ANO7: variants seen among roughly 807,000 people sequenced by gnomAD.
ANO7 encodes the protein anoctamin 7, also known as anoctamin-7.
ANO7 carries 114 observed loss-of-function variants against 115.8 expected under a neutral mutation model. The observed-to-expected ratio is 0.98, with a 90% CI of 0.85 to 1.15. ANO7 has a LOEUF of 1.15. Among genes scored for constraint, ANO7 ranks in the 50% most tolerant of loss-of-function variants. The pLI, the probability that ANO7 is intolerant of heterozygous loss-of-function variation, is 0.00. For synonymous variants in ANO7, 550 were observed against 498.2 expected, an observed-to-expected ratio of 1.10 and a Z score of -1.38; for missense variants, 1,302 against 1,201.2, an observed-to-expected ratio of 1.08 and a Z score of -1.24.
chr2:241,199,731 G>C (rs1457091080), intron 5 of ANO7, among the ~76,000 whole-genome samples: 1 of 152,222 alleles, frequency 6.6e-6, no homozygotes, highest in Non-Finnish European at 1.5e-5. Context: ...ATGGGGTGGA[G>C]AAGGCTGCCT....
chr2:241,211,369 C>G (rs746023253), intron 15 of ANO7, among the ~76,000 whole-genome samples: 8 of 152,300 alleles, frequency 5.3e-5, no homozygotes, highest in Admixed American at 3.9e-4. Flanking sequence ...CAAACACTTA[C>G]GACCAACCTA....
At position 241,201,311 on chromosome 2, in the gene ANO7, G is replaced by A. The variant is rs1337044291; in HGVS notation, c.568G>A (p.Asp190Asn). The A allele has an allele frequency of 1.9e-6, 3 of 1,613,154 alleles. No individual in the cohort carries two copies. The highest frequency in any genetic ancestry group is 2.5e-6 in the Non-Finnish European group (3 of 1,179,784). Residue 190 changes from aspartate to asparagine, a missense_variant, in exon 7 of 25, where the codon GAC (aspartate) becomes AAC (asparagine). Coordinates refer to ENST00000674324, the MANE Select transcript of ANO7 (RefSeq NM_001370694.2). Reference protein sequence around the residue: ...VNKLPRFLGSDNQDTFFTSTK... With the variant: ...VNKLPRFLGSNNQDTFFTSTK... ...ACATGCCCACAGCTTCCTCGGGAGT[G>A]ACAACCAGGACACCTTCTTCACAAG...
chr2:241,231,887 A>G, the ANO7 span, among the ~76,000 whole-genome samples: 1 of 98,778 alleles, frequency 1.0e-5, no homozygotes, highest in African/African-American at 3.3e-5. Context: ...GGACTAGAGG[A>G]CGGGGACAAA....
At chr2:241,230,685 T>TG (rs956794658), downstream of ANO7, 3 of 1,310,818 alleles carry the variant, frequency 2.3e-6, no homozygotes, top group African/African-American at 4.3e-5. This position sits in a 1 kb window ranked among gnomAD's most constrained non-coding sequence, Gnocchi z 5.0. Flanking sequence ...GGCCATGCCC[T>TG]GCTCTTTCTT....
At chr2:241,237,152 G>A in the ANO7 span, among the ~76,000 whole-genome samples, 2 of 152,198 alleles carry the variant, frequency 1.3e-5, no homozygotes, top group Non-Finnish European at 2.9e-5. Context: ...CACAAGTGAG[G>A]CTTGACTGTG....
In ANO7 at chr2:241,203,504, T is replaced by C; in HGVS notation, c.889+6T>C. The C allele has an allele frequency of 1.4e-6, 2 of 1,463,684 alleles. No individual in the cohort carries two copies. Among genetic ancestry groups the C allele is most frequent in the Non-Finnish European group, 9.1e-7 (1 of 1,103,924 alleles). The allele number at this position is 1,463,684 out of a possible 1,614,324, so 90.7% of individuals were successfully genotyped here. A position where few individuals can be genotyped will look rare whatever the true frequency, so the allele number is the denominator to read the frequency against. On this transcript the variant is annotated splice_donor_region_variant and intron_variant, in intron 9 of 24. Coordinates refer to ENST00000674324, the MANE Select transcript of ANO7 (RefSeq NM_001370694.2). This position sits in a 1 kb window ranked among gnomAD's most constrained non-coding sequence, Gnocchi z 4.8. ...CCTCTACTTCGCCTGGCTCGGTGAG[T>C]CCCCCCCGCTGCCCCCCAGACCACC...
At chr2:241,238,932 C>CCAGG in the ANO7 span, 5 of 614,228 alleles carry the variant, frequency 8.1e-6, no homozygotes, top group Non-Finnish European at 1.3e-5. This position sits in a 1 kb window ranked among gnomAD's most constrained non-coding sequence, Gnocchi z 4.9. Flanking sequence ...GTCCAGGGCT[C>CCAGG]CAGGCGCAGG....
At chr2:241,202,353 C>T (rs2068492550) in intron 8 of ANO7, 49 bp downstream of exon 8, 4 of 1,563,428 alleles carry the variant, frequency 2.6e-6, no homozygotes, top group African/African-American at 1.3e-5. Flanking sequence ...AGATGAGTCC[C>T]CTTGGGTCCT....
intron 11 of ANO7, 78 bp downstream of exon 11, chr2:241,207,748 C>A: frequency 2.2e-6 from 3 of 1,344,354 alleles, no homozygotes; most frequent in Non-Finnish European, 3.2e-6. Context: ...CTGGTCCTGA[C>A]TCTGCCTGCA....
chr2:241,216,761 C>T (rs1303381449), intron 19 of ANO7, among the ~76,000 whole-genome samples: 2 of 152,254 alleles, frequency 1.3e-5, no homozygotes, highest in Non-Finnish European at 2.9e-5. Flanking sequence ...ATCACCTGTG[C>T]CGTCCCTGCA....
Position 241,201,171 on chromosome 2 carries a change from G to A in ANO7, c.555-127G>A, listed in dbSNP as rs1006488027. The A allele has an allele frequency of 7.4e-6, 8 of 1,087,062 alleles. No individual in the cohort carries two copies. The African/African-American group carries it at 1.1e-4, about 15-fold the overall frequency. 67.3% of individuals were successfully genotyped at this position (1,087,062 alleles called of 1,614,324 possible). On this transcript the variant is annotated intron_variant, in intron 6 of 24. Transcript: ENST00000674324. ...TGTCCGCAGGCCTGTGCTTCTGCGT[G>A]CGCGCCAGCACCCGGGCCCCAAACC...
the ANO7 span, chr2:241,235,338 G>T: frequency 6.3e-7 from 1 of 1,577,248 alleles, no homozygotes; most frequent in South Asian, 1.1e-5. Context: ...CAGAAGTGGT[G>T]AGAGGGAAGG....
chr2:241,194,010 G>A (rs1369173605), intron 3 of ANO7, among the ~76,000 whole-genome samples: 1 of 152,162 alleles, frequency 6.6e-6, no homozygotes, highest in African/African-American at 2.4e-5. Flanking sequence ...CAAGTAGCTG[G>A]GATTACAGGC....
At position 241,223,722 on chromosome 2, in the gene ANO7, G is replaced by A. The variant is rs776095339; in HGVS notation, c.2473G>A (p.Val825Met). ...DLLVPDIPES[V>M]EIKVKREYYL... ...CCTGGTGCCTGACATCCCAGAGTCT[G>A]TGGAGATCAAAGTGAAGCGGGAGTA... Residue 825 changes from valine to methionine, a missense_variant, in exon 23 of 25, where the codon GTG becomes ATG. Physicochemically the swap from Val to Met is conservative, Grantham distance 21. Transcript: ENST00000674324. The A allele has an allele frequency of 6.2e-7, 1 of 1,614,214 alleles. No homozygotes were observed. The highest frequency in any genetic ancestry group is 8.5e-7 in the Non-Finnish European group (1 of 1,180,042).
the ANO7 span, chr2:241,236,268 C>A: frequency 3.1e-6 from 1 of 317,804 alleles, no homozygotes; most frequent in Non-Finnish European, 5.9e-6. Flanking sequence ...GCCTGATAAC[C>A]CCACTCACGC....
the ANO7 span, among the ~76,000 whole-genome samples, chr2:241,232,061 G>C: frequency 6.6e-6 from 1 of 152,158 alleles, no homozygotes; most frequent in African/African-American, 2.4e-5. Flanking sequence ...CTTCTGTCCA[G>C]ATTGAAGCAA....
At chr2:241,239,915 A>G in the ANO7 span, 655 of 1,614,120 alleles carry the variant, frequency 4.1e-4, 1 homozygote, top group African/African-American at 8.0e-3. This position sits in a 1 kb window ranked among gnomAD's most constrained non-coding sequence, Gnocchi z 4.6. Flanking sequence ...TTTTGGATCA[A>G]GGCCTCCAGC....
At chr2:241,201,785 G>T (rs575373544) in intron 7 of ANO7, among the ~76,000 whole-genome samples, 51 of 152,310 alleles carry the variant, frequency 3.3e-4, no homozygotes, top group African/African-American at 1.1e-3. Context: ...GACCACCACA[G>T]GGCACACAGT....
At chr2:241,190,243 G>T (rs529634514) in intron 2 of ANO7, 72 bp downstream of exon 2, 1 of 1,346,640 alleles carries the variant, frequency 7.4e-7, no homozygotes, top group Admixed American at 2.4e-5. Flanking sequence ...CCCCACCCTG[G>T]GCCCAGAGCC....
Sources: gnomAD v4.1 joint callset for allele counts (sites outside exome capture counted in the v4.1 genomes callset) on GRCh38, gnomAD v4.1.1 for gene constraint, Gnocchi (gnomAD v3.1) non-coding constraint, MANE v1.5 for transcripts, NCBI Gene and HGNC (gene_info 2026-07-23, HGNC 2026-07-21) for gene names.